Variants in MAPK10 observed in about 807,000 individuals in gnomAD.
MAPK10 encodes mitogen-activated protein kinase 10, also known as JNK3 alpha protein kinase.
Under a neutral mutation model 59.3 loss-of-function variants are expected in MAPK10, and 25 were observed. The ratio of observed to expected loss-of-function variants is 0.42; its 90% CI spans 0.31 to 0.59. MAPK10 has a LOEUF of 0.59. Ranked by LOEUF, MAPK10 falls within the 20% of genes least tolerant of loss-of-function variation. MAPK10 has a pLI of 0.15. For synonymous variants in MAPK10, 190 were observed against 200.5 expected, an observed-to-expected ratio of 0.95 and a Z score of 0.44; for missense variants, 351 against 568.9, an observed-to-expected ratio of 0.62 and a Z score of 3.90.
At chr4:86,104,892 C>T (rs1489386233) in intron 5 of MAPK10, among the ~76,000 whole-genome samples, 3 of 151,972 alleles carry the variant, frequency 2.0e-5, no homozygotes, top group Admixed American at 2.0e-4. Flanking sequence ...CTAATTCCTA[C>T]CAATAGTCAA....
At chr4:86,208,896 T>C (rs1228040791) in intron 2 of MAPK10, among the ~76,000 whole-genome samples, 1 of 152,128 alleles carries the variant, frequency 6.6e-6, no homozygotes, top group Non-Finnish European at 1.5e-5. Context: ...GACAAATCAA[T>C]AGTATCTGAT....
intron 12 of MAPK10, among the ~76,000 whole-genome samples, chr4:86,031,133 G>A (rs1393942078): frequency 6.6e-6 from 1 of 152,136 alleles, no homozygotes; most frequent in Non-Finnish European, 1.5e-5. Context: ...GACAAACACT[G>A]ACAATCAGTA....
intron 13 of MAPK10, among the ~76,000 whole-genome samples, chr4:86,022,113 A>C (rs1747443803): frequency 6.6e-6 from 1 of 152,240 alleles, no homozygotes; most frequent in Non-Finnish European, 1.5e-5. Flanking sequence ...GAGCCCAGGC[A>C]GGGGAGGTGC....
chr4:86,394,425 T>A (rs1334555641), intron 1 of MAPK10, among the ~76,000 whole-genome samples: 1 of 152,134 alleles, frequency 6.6e-6, no homozygotes, highest in Non-Finnish European at 1.5e-5. Flanking sequence ...AAACTACATA[T>A]CAAAACTGAG....
intron 9 of MAPK10, chr4:86,089,393 T>A (rs2052619020): frequency 1.5e-6 from 1 of 683,118 alleles, no homozygotes; most frequent in Non-Finnish European, 2.6e-6. Context: ...ACTGACTGGA[T>A]GAGAGGCCAG....
intron 5 of MAPK10, chr4:86,106,666 T>C (rs11943376): frequency 0.81 from 122,516 of 151,602 alleles, 49,673 homozygotes; most frequent in East Asian, 0.89. Flanking sequence ...CTCTTGATCC[T>C]ATTCTCAAGT....
intron 13 of MAPK10, chr4:86,023,852 A>ATATATATATATAT (rs1560633949): frequency 4.1e-5 from 4 of 98,484 alleles, no homozygotes; most frequent in Admixed American, 8.8e-5. Flanking sequence ...TATATATATA[A>ATATATATATATAT]AATGAATGTT....
chr4:86,132,396 T>C (rs1283084647), intron 4 of MAPK10, among the ~76,000 whole-genome samples: 1 of 152,212 alleles, frequency 6.6e-6, no homozygotes, highest in Non-Finnish European at 1.5e-5. Context: ...ATTTACCTTA[T>C]TGAGGAATAA....
chr4:86,475,659 C>T (rs918948720), intron 1 of MAPK10, among the ~76,000 whole-genome samples: 1 of 152,154 alleles, frequency 6.6e-6, no homozygotes, highest in African/African-American at 2.4e-5. Flanking sequence ...GGACGCCTGC[C>T]TTGGTCCTTC....
At chr4:86,414,150 T>C (rs1251535469) in intron 1 of MAPK10, among the ~76,000 whole-genome samples, 2 of 152,226 alleles carry the variant, frequency 1.3e-5, no homozygotes, top group East Asian at 3.9e-4. Flanking sequence ...AATATTTTGG[T>C]AATCATCCTA....
chr4:86,351,311 C>T (rs569200329), intron 2 of MAPK10, among the ~76,000 whole-genome samples: 1 of 148,206 alleles, frequency 6.7e-6, no homozygotes, highest in Admixed American at 6.7e-5. Context: ...ATGTATTGTA[C>T]AATATATGTA....
At chr4:86,581,422 T>C (rs1762254443) in intron 1 of MAPK10, among the ~76,000 whole-genome samples, 1 of 152,142 alleles carries the variant, frequency 6.6e-6, no homozygotes, top group Admixed American at 6.6e-5. Flanking sequence ...ATTAGTAATG[T>C]GTTACTAGAA....
intron 9 of MAPK10, among the ~76,000 whole-genome samples, chr4:86,075,946 T>C (rs2049265823): frequency 6.6e-6 from 1 of 152,078 alleles, no homozygotes; most frequent in East Asian, 1.9e-4. Context: ...CAGGCTGCTT[T>C]GTTTACCTAA....
At chr4:86,450,760 C>G (rs1379447971) in intron 1 of MAPK10, among the ~76,000 whole-genome samples, 1 of 152,202 alleles carries the variant, frequency 6.6e-6, no homozygotes, top group Non-Finnish European at 1.5e-5. Context: ...CATTTAATGT[C>G]TCAGTCATAA....
intron 1 of MAPK10, among the ~76,000 whole-genome samples, chr4:86,518,256 C>A (rs1756852388): frequency 6.6e-6 from 1 of 152,212 alleles, no homozygotes; most frequent in African/African-American, 2.4e-5. Context: ...ATCCTGGCCT[C>A]AAGTGATCTG....
intron 1 of MAPK10, among the ~76,000 whole-genome samples, chr4:86,586,773 GC>G (rs1222081992): frequency 6.6e-6 from 1 of 152,152 alleles, no homozygotes; most frequent in Non-Finnish European, 1.5e-5. Flanking sequence ...TAACTGACTA[GC>G]CCTGGTCAGT....
intron 1 of MAPK10, among the ~76,000 whole-genome samples, chr4:86,399,019 T>C (rs1267538230): frequency 1.3e-5 from 2 of 152,206 alleles, no homozygotes; most frequent in Non-Finnish European, 2.9e-5. Flanking sequence ...GCTGGGCACC[T>C]GGGTTGATTC....
chr4:86,397,855 C>G (rs1743143723), intron 1 of MAPK10, among the ~76,000 whole-genome samples: 1 of 115,944 alleles, frequency 8.6e-6, no homozygotes, highest in South Asian at 3.0e-4. Context: ...AGCTCTGAAT[C>G]TGCTATGGCA....
chr4:86,247,931 T>G (rs953927957), intron 2 of MAPK10, among the ~76,000 whole-genome samples: 1 of 152,202 alleles, frequency 6.6e-6, no homozygotes, highest in Admixed American at 6.5e-5. Context: ...TTTCAGGATG[T>G]CAGGCTTGGC....
Sources: allele counts gnomAD v4.1 joint callset (sites outside exome capture counted in the v4.1 genomes callset), GRCh38; gene constraint gnomAD v4.1.1; transcripts MANE v1.5; gene names NCBI Gene and HGNC (gene_info 2026-07-23, HGNC 2026-07-21).